The following ADGRL4 variants were observed in gnomAD, a reference collection of about 807,000 sequenced individuals.
The protein encoded by ADGRL4 is adhesion G protein-coupled receptor L4, also known as EGF, latrophilin and seven transmembrane domain containing 1.
A neutral mutation model predicts 74.8 loss-of-function variants in ADGRL4; 90 were observed. The observed-to-expected ratio is 1.20, with a 90% confidence interval of 1.02 to 1.43. ADGRL4 has a LOEUF of 1.43. Among genes scored for constraint, ADGRL4 ranks in the 40% most tolerant of loss-of-function variants. ADGRL4 has a pLI of 0.00. For synonymous variants in ADGRL4, 311 were observed against 279.2 expected, an observed-to-expected ratio of 1.11 and a Z score of -1.14; for missense variants, 881 against 814.3, an observed-to-expected ratio of 1.08 and a Z score of -1.00.
intron 2 of ADGRL4, among the ~76,000 whole-genome samples, chr1:78,951,681 G>T (rs1649725906): frequency 6.6e-6 from 1 of 152,168 alleles, no homozygotes; most frequent in Non-Finnish European, 1.5e-5. Flanking sequence ...TGCAATGATT[G>T]ATATTGTCTT....
At chr1:78,901,283 G>C (rs750957567) in intron 12 of ADGRL4, among the ~76,000 whole-genome samples, 4 of 152,078 alleles carry the variant, frequency 2.6e-5, no homozygotes, top group Admixed American at 6.6e-5. Flanking sequence ...TGAGGACATT[G>C]GCTTCTTAGT....
chr1:78,909,265 C>A (rs1030678638), intron 12 of ADGRL4, among the ~76,000 whole-genome samples: 3 of 151,904 alleles, frequency 2.0e-5, no homozygotes, highest in African/African-American at 4.8e-5. Context: ...AAGTACAGTG[C>A]CCAAACCATG....
At chr1:78,977,326 T>C (rs1346818630) in intron 2 of ADGRL4, among the ~76,000 whole-genome samples, 1 of 151,768 alleles carries the variant, frequency 6.6e-6, no homozygotes, top group Non-Finnish European at 1.5e-5. Context: ...TAGTGAAAAT[T>C]GAATCTGGTG....
intron 12 of ADGRL4, among the ~76,000 whole-genome samples, chr1:78,898,601 T>A (rs573025861): frequency 1.4e-4 from 22 of 152,092 alleles, no homozygotes; most frequent in South Asian, 4.1e-4. Flanking sequence ...AGATGGCAAG[T>A]ATAAGAACTT....
At chr1:78,905,161 C>T (rs1246841343) in intron 12 of ADGRL4, among the ~76,000 whole-genome samples, 1 of 151,916 alleles carries the variant, frequency 6.6e-6, no homozygotes, top group African/African-American at 2.4e-5. Flanking sequence ...GTGATATCAG[C>T]AAAATAATTA....
chr1:78,894,661 C>A (rs1648356504), intron 12 of ADGRL4, among the ~76,000 whole-genome samples: 1 of 151,442 alleles, frequency 6.6e-6, no homozygotes, highest in African/African-American at 2.4e-5. Context: ...TAAATATATG[C>A]ACATATATTT....
At chr1:78,989,987 A>G (rs1650574216) in intron 2 of ADGRL4, among the ~76,000 whole-genome samples, 1 of 151,908 alleles carries the variant, frequency 6.6e-6, no homozygotes, top group Non-Finnish European at 1.5e-5. Flanking sequence ...TGACTCTCAC[A>G]ATAAGCTGTA....
intron 12 of ADGRL4, among the ~76,000 whole-genome samples, chr1:78,895,477 T>C (rs1648376782): frequency 6.6e-6 from 1 of 151,912 alleles, no homozygotes; most frequent in African/African-American, 2.4e-5. Flanking sequence ...ATTCACAAAT[T>C]AGAATTGTTA....
At chr1:78,917,491 A>T (rs911923837) in intron 12 of ADGRL4, 143 bp downstream of exon 12, 12 of 415,166 alleles carry the variant, frequency 2.9e-5, no homozygotes, top group African/African-American at 6.2e-5. Context: ...TTTTAATTAT[A>T]GTATATGTAA....
chr1:78,950,034 T>G (rs1272591903), intron 2 of ADGRL4, among the ~76,000 whole-genome samples: 1 of 152,052 alleles, frequency 6.6e-6, no homozygotes, highest in Non-Finnish European at 1.5e-5. Context: ...AACACCCAAA[T>G]TATCAGATTG....
chr1:78,917,636 G>T lies in ADGRL4; in HGVS notation c.1747C>A (p.Leu583Ile). 6.3e-7 allele frequency: 1 copy of T among 1,591,146 alleles called. No homozygotes were observed. The highest frequency in any genetic ancestry group is 8.6e-7 in the Non-Finnish European group (1 of 1,166,626). Residue 583 changes from leucine to isoleucine, a missense_variant and splice_region_variant, in exon 12 of 15, where the codon CTT becomes ATT. Physicochemically the swap from Leu to Ile is conservative, Grantham distance 5. Coordinates refer to ENST00000370742, the MANE Select transcript of ADGRL4 (RefSeq NM_022159.4). Reference sequence around the variant, plus strand: ...ATAACAATTTTATATATACATACAAGAATGATTAGGCATGCTGGTCCTATA... The same window carrying T: ...ATAACAATTTTATATATACATACAATAATGATTAGGCATGCTGGTCCTATA... The part of the protein sequence containing the change: ...SFIGPACLII[L>I]VNLLAFGVII...
chr1:78,974,347 A>T (rs1650236524), intron 2 of ADGRL4, among the ~76,000 whole-genome samples: 1 of 152,114 alleles, frequency 6.6e-6, no homozygotes, highest in African/African-American at 2.4e-5. Context: ...TTATTGACAA[A>T]CGAATTGTCT....
At chr1:78,950,030 CA>C (rs1334106706) in intron 2 of ADGRL4, among the ~76,000 whole-genome samples, 1 of 152,002 alleles carries the variant, frequency 6.6e-6, no homozygotes, top group Non-Finnish European at 1.5e-5. Context: ...TACCAACACC[CA>C]AATTATCAGA....
intron 2 of ADGRL4, among the ~76,000 whole-genome samples, chr1:78,965,804 A>C (rs1186709353): frequency 6.6e-6 from 1 of 152,194 alleles, no homozygotes; most frequent in Admixed American, 6.6e-5. Context: ...CAGACATCTT[A>C]AGTCACTCAC....
At chr1:78,964,666 A>G (rs6673093) in intron 2 of ADGRL4, among the ~76,000 whole-genome samples, 95,010 of 151,934 alleles carry the variant, frequency 0.63, 29,753 homozygotes, top group East Asian at 0.72. Context: ...GCTCTGTCAT[A>G]GGGTAATTGC....
chr1:78,967,426 T>A (rs1650079296), intron 2 of ADGRL4, among the ~76,000 whole-genome samples: 1 of 152,160 alleles, frequency 6.6e-6, no homozygotes, highest in South Asian at 2.1e-4. Context: ...AAATTTTAAA[T>A]TGCTAGGAGT....
intron 2 of ADGRL4, among the ~76,000 whole-genome samples, chr1:78,995,518 T>C (rs1414748697): frequency 6.6e-6 from 1 of 152,190 alleles, no homozygotes; most frequent in Non-Finnish European, 1.5e-5. Flanking sequence ...CCTGCATTGG[T>C]CATGCCAGCT....
At chr1:78,937,357 A>T (rs1649376960) in intron 6 of ADGRL4, among the ~76,000 whole-genome samples, 1 of 152,202 alleles carries the variant, frequency 6.6e-6, no homozygotes, top group African/African-American at 2.4e-5. Context: ...AGACAGGAGA[A>T]TTGCTTGAAA....
At chr1:78,891,847 G>T (rs1046700456) in intron 13 of ADGRL4, among the ~76,000 whole-genome samples, 155 bp from the exon 14 acceptor site, 3 of 152,154 alleles carry the variant, frequency 2.0e-5, no homozygotes, top group African/African-American at 7.2e-5. Context: ...AAGTTGTGCT[G>T]CAGTTAGGTG....
Sources: allele counts gnomAD v4.1 joint callset (sites outside exome capture counted in the v4.1 genomes callset), GRCh38; gene constraint gnomAD v4.1.1; transcripts MANE v1.5; gene names NCBI Gene and HGNC (gene_info 2026-07-23, HGNC 2026-07-21).